Variants in KIF7 observed in about 807,000 individuals in gnomAD.
KIF7 encodes kinesin family member 7, also known as kinesin-like protein KIF7.
KIF7 carries 104 observed loss-of-function variants against 135.7 expected under a neutral mutation model. That is an observed-to-expected ratio of 0.77 (90% CI 0.65 to 0.90). The LOEUF (loss-of-function observed/expected upper bound fraction) is 0.90. Ranked by LOEUF, KIF7 falls within the 40% of genes least tolerant of loss-of-function variation. The probability of loss-of-function intolerance (pLI) is 0.00; values close to 1 mark genes in which losing one functional copy is unlikely to be tolerated. For synonymous variants in KIF7, 883 were observed against 809.4 expected (o/e 1.09, Z -1.54); for missense variants, 2,005 against 1,839.1 (o/e 1.09, Z -1.65).
Position 89,648,558 on chromosome 15 carries a change from G to C in KIF7, c.1140C>G (p.Ser380=), listed in dbSNP as rs1480155488. The part of the protein sequence containing the change: ...SGARGPPRHR[S]ETRIIHRGRR... ...GGCCGCGGTGGATGATGCGGGTCTC[G>C]GAGCGGTGCCGTGGCGGACCCCGCG... Residue 380 remains serine (S), a synonymous_variant, in exon 5 of 19, where the codon TCC becomes TCG. Coordinates refer to ENST00000394412, the MANE Select transcript of KIF7 (RefSeq NM_198525.3). 14 of 1,425,704 alleles carry C rather than the reference G, an allele frequency of 9.8e-6. No homozygotes were observed. The highest frequency in any genetic ancestry group is 1.4e-5 in the South Asian group (1 of 73,502). The allele number at this position is 1,425,704 out of a possible 1,614,324, so 88.3% of individuals were successfully genotyped here.
chr15:89,656,531 A>C (rs373877797), upstream of KIF7, among the ~76,000 whole-genome samples: 10 of 152,180 alleles, frequency 6.6e-5, no homozygotes, highest in East Asian at 1.5e-3. Context: ...TGTCAAGGGG[A>C]TGGAACTACC....
In KIF7 at chr15:89,654,819, T is replaced by G. The variant is rs181549997; in HGVS notation, c.-25+580A>C. Among the ~76,000 whole-genome samples, 314 of 152,286 alleles carry G rather than the reference T, an allele frequency of 2.1e-3. 1 individual carries two copies. The highest frequency in any genetic ancestry group is 7.0e-3 in the African/African-American group (291 of 41,546). The stretch of plus-strand genomic sequence containing the variant: ...CATTCTTTACCCTTCAACCTCTCTC[T>G]CAGCACAGTAACCTTTCGTTAATTC... On this transcript the variant is annotated intron_variant, in intron 1 of 18. Transcript: ENST00000394412.
chr15:89,630,084 G>C (rs1486505019), intron 16 of KIF7: 1 of 620,138 alleles, frequency 1.6e-6, no homozygotes. Context: ...AATCAGAGCA[G>C]AAGTGGGGGG....
intron 11 of KIF7, among the ~76,000 whole-genome samples, chr15:89,634,263 C>T (rs1424792758): frequency 2.6e-5 from 4 of 152,204 alleles, no homozygotes; most frequent in Non-Finnish European, 5.9e-5. Context: ...CGTGCCACTG[C>T]ACTCCAGCTT....
At chr15:89,652,978 G>T (rs780626915) in intron 1 of KIF7, 24 bp from the exon 2 acceptor site, 12 of 1,441,624 alleles carry the variant, frequency 8.3e-6, no homozygotes, top group South Asian at 4.3e-5. Flanking sequence ...GAGAAGCCCT[G>T]GCCATCAGCA....
Position 89,645,446 on chromosome 15 carries a change from C to G in KIF7, c.1928G>C (p.Arg643Thr). The change falls in exon 9 of 19, where the codon AGG becomes ACG. Residue 643 changes from arginine (R) to threonine (T), a missense_variant. Arg to Thr is a moderately conservative substitution (Grantham distance 71). Transcript: ENST00000394412. Reference protein sequence around the residue: ...PRRTLHLRRNRISNCSQRAGA... With the variant: ...PRRTLHLRRNTISNCSQRAGA... ...CGCCCTCTGACTGCAGTTGCTGATC[C>G]TATTTCTGGAGGACAGAAGCAGGAG... is the stretch of plus-strand genomic sequence containing the variant. 6.2e-7 allele frequency: 1 copy of G among 1,611,652 alleles called. No homozygotes were observed. The highest frequency in any genetic ancestry group is 8.5e-7 in the Non-Finnish European group (1 of 1,178,692).
intron 1 of KIF7, 99 bp from the exon 2 acceptor site, chr15:89,653,053 T>A: frequency 1.0e-6 from 1 of 954,806 alleles, no homozygotes; most frequent in South Asian, 1.9e-5. Flanking sequence ...GCTCCTGACC[T>A]TGGAGGGATT....
rs79425205 is a variant in KIF7 at position 89,652,308 on chromosome 15, A to G, written c.328+295T>C. Among the ~76,000 whole-genome samples, 1,265 of 151,968 alleles carry G rather than the reference A, an allele frequency of 8.3e-3. 12 individuals carry two copies. The highest frequency in any genetic ancestry group is 0.012 in the Non-Finnish European group (806 of 67,974). On this transcript the variant is annotated intron_variant, in intron 2 of 18. Transcript: ENST00000394412. ...AGCCAGCCTGACAACCTCTAGAGACACGCCACCTTCCCGTGCCCTTCCTCT... is the reference window on the plus strand; with the variant it reads ...AGCCAGCCTGACAACCTCTAGAGACGCGCCACCTTCCCGTGCCCTTCCTCT...
At chr15:89,655,734 T>G (rs1213324819), upstream of KIF7, among the ~76,000 whole-genome samples, 1 of 152,242 alleles carries the variant, frequency 6.6e-6, no homozygotes, top group African/African-American at 2.4e-5. Context: ...CCCCGGTCTC[T>G]GTTTTCCACT....
chr15:89,628,407 T>TA lies in KIF7; in HGVS notation c.*11_*12insT. ...CGGAGTCTCCCTCCAAGGCAGGGTC[T>TA]GCCCCGAGGGCTTACAGGGGGTTTT... On this transcript the variant is annotated 3_prime_UTR_variant, in exon 19 of 19. Transcript: ENST00000394412. 6.3e-7 allele frequency: 1 copy of TA among 1,597,604 alleles called. No individual in the cohort carries two copies.
downstream of KIF7, chr15:89,625,987 C>T (rs200631269): frequency 2.0e-4 from 328 of 1,607,766 alleles, 1 homozygote; most frequent in South Asian, 2.6e-3. Flanking sequence ...TCTGCCAGTG[C>T]CCTCCAGGCT....
chr15:89,626,856 A>T, downstream of KIF7: 1 of 1,338,582 alleles, frequency 7.5e-7, no homozygotes, highest in Non-Finnish European at 1.0e-6. Context: ...TGATTTTCTT[A>T]AAGTCTGTTT....
downstream of KIF7, chr15:89,626,878 C>A: frequency 3.3e-6 from 5 of 1,505,862 alleles, no homozygotes; most frequent in Non-Finnish European, 3.6e-6. Flanking sequence ...TGTGTGTAAC[C>A]CTCTGCAATT....
In KIF7 at chr15:89,620,615, G is replaced by A. The variant is rs866613640; in HGVS notation, c.181-2420C>T. On this transcript the variant is annotated intron_variant and NMD_transcript_variant, in intron 1 of 2. Coordinates refer to the KIF7 transcript ENST00000558928. The stretch of plus-strand genomic sequence containing the variant: ...CTTACTAAAATTAAAAAAGGCAGCA[G>A]TTGTTGTAGTTGCTGACATAAATAG... Among the ~76,000 whole-genome samples the A allele has an allele frequency of 7.9e-5, 12 of 151,706 alleles. No individual in the cohort carries two copies. The Middle Eastern group carries it at 0.041, about 516-fold the overall frequency.
chr15:89,642,385 T>C lies in KIF7; in HGVS notation c.2212A>G (p.Asn738Asp). 6.2e-7 allele frequency: 1 copy of C among 1,604,596 alleles called. No homozygotes were observed. The highest frequency in any genetic ancestry group is 8.5e-7 in the Non-Finnish European group (1 of 1,176,324). The change falls in exon 11 of 19, where the codon AAC becomes GAC. Residue 738 changes from asparagine to aspartate, a missense_variant. By Grantham distance (23) the Asn-to-Asp change is conservative (BLOSUM62 1). Transcript: ENST00000394412. ...CGGATACGCTGGCTGTGCTGGCGGT[T>C]CAGGGCCTGAGCTGCCTTTCCTGGA... ...VRTGKAAQALNRQHSQRIREL... is the reference protein window; with the variant it reads ...VRTGKAAQALDRQHSQRIREL...
chr15:89,624,483 C>T, downstream of KIF7: 5 of 1,614,136 alleles, frequency 3.1e-6, no homozygotes, highest in East Asian at 6.7e-5. Flanking sequence ...CCTCTGATCC[C>T]AGAAGGAGCA....
At chr15:89,648,948 C>A in intron 4 of KIF7, 26 bp downstream of exon 4, 1 of 1,514,536 alleles carries the variant, frequency 6.6e-7, no homozygotes, top group Non-Finnish European at 8.9e-7. Context: ...GCCCCCAGGC[C>A]ACATAGGAGC....
chr15:89,630,578 G>T, intron 15 of KIF7, 85 bp from the exon 16 acceptor site: 1 of 1,157,690 alleles, frequency 8.6e-7, no homozygotes, highest in Non-Finnish European at 1.2e-6. Context: ...CCAACACGTA[G>T]CCACAACTGG....
upstream of KIF7, among the ~76,000 whole-genome samples, chr15:89,660,141 T>A (rs150686264): frequency 3.7e-3 from 570 of 152,292 alleles, 2 homozygotes; most frequent in African/African-American, 0.013. Flanking sequence ...GGGGTTGAAG[T>A]GAGCCAAGAT....
Sources: gnomAD v4.1 joint callset for allele counts (sites outside exome capture counted in the v4.1 genomes callset) on GRCh38, gnomAD v4.1.1 for gene constraint, MANE v1.5 for transcripts, NCBI Gene and HGNC (gene_info 2026-07-23, HGNC 2026-07-21) for gene names.